TRHDE: variants seen among roughly 807,000 people sequenced by gnomAD.
TRHDE encodes the protein thyrotropin-releasing hormone-degrading ectoenzyme.
Under a neutral mutation model 125.7 loss-of-function variants are expected in TRHDE, and 72 were observed. The observed-to-expected ratio is 0.57, with a 90% CI of 0.47 to 0.70. The LOEUF (loss-of-function observed/expected upper bound fraction) is 0.70. Ranked by LOEUF, TRHDE falls within the 30% of genes least tolerant of loss-of-function variation. The pLI is 0.00. For missense variants in TRHDE, 1,110 were observed against 1,327.1 expected, an observed-to-expected ratio of 0.84 and a Z score of 2.54; for synonymous variants, 509 against 509.1, an observed-to-expected ratio of 1.00 and a Z score of 0.00.
intron 15 of TRHDE, among the ~76,000 whole-genome samples, chr12:72,638,911 G>A (rs946232388): frequency 3.3e-5 from 5 of 150,418 alleles, no homozygotes; most frequent in African/African-American, 4.9e-5. Flanking sequence ...AGGGTAACCC[G>A]ACCTTCCTCT....
chr12:72,474,538 T>G (rs534284821), intron 5 of TRHDE, among the ~76,000 whole-genome samples: 99 of 152,276 alleles, frequency 6.5e-4, no homozygotes, highest in African/African-American at 2.3e-3. Context: ...TTTGTCTATT[T>G]TATCTCGCTT....
At chr12:72,280,401 C>T (rs1879654334) in intron 1 of TRHDE, among the ~76,000 whole-genome samples, 1 of 152,140 alleles carries the variant, frequency 6.6e-6, no homozygotes, top group Non-Finnish European at 1.5e-5. Context: ...GACCAACGTT[C>T]TTGCTTTGGG....
At chr12:72,364,366 G>A (rs1336283840) in intron 2 of TRHDE, among the ~76,000 whole-genome samples, 2 of 151,986 alleles carry the variant, frequency 1.3e-5, no homozygotes, top group African/African-American at 4.8e-5. Context: ...TACCTTCTGA[G>A]TGATGCTTTC....
intron 6 of TRHDE, among the ~76,000 whole-genome samples, chr12:72,520,664 T>TA (rs1225318631): frequency 1.3e-5 from 2 of 152,088 alleles, no homozygotes; most frequent in African/African-American, 4.8e-5. Context: ...CTTCTTCACT[T>TA]ACTTTTTCAA....
intron 12 of TRHDE, among the ~76,000 whole-genome samples, chr12:72,581,200 G>T (rs922854040): frequency 2.6e-5 from 4 of 152,112 alleles, no homozygotes; most frequent in African/African-American, 9.7e-5. Flanking sequence ...TTACTTAATT[G>T]TTGAAATTAT....
intron 2 of TRHDE, among the ~76,000 whole-genome samples, chr12:72,290,967 G>C (rs1880066703): frequency 6.6e-6 from 1 of 152,212 alleles, no homozygotes; most frequent in Non-Finnish European, 1.5e-5. Flanking sequence ...CCCAGCTCTT[G>C]ACAGGAGGAG....
At chr12:72,374,624 T>C (rs1182656484) in intron 2 of TRHDE, among the ~76,000 whole-genome samples, 1 of 151,760 alleles carries the variant, frequency 6.6e-6, no homozygotes, top group Admixed American at 6.6e-5. Flanking sequence ...GGAGTGGCAG[T>C]GAGATAGATA....
At chr12:72,630,461 T>G (rs527817198) in intron 15 of TRHDE, among the ~76,000 whole-genome samples, 2 of 151,934 alleles carry the variant, frequency 1.3e-5, no homozygotes, top group South Asian at 4.2e-4. Flanking sequence ...GGTTTTGAAC[T>G]TCTGCTCTCA....
intron 2 of TRHDE, among the ~76,000 whole-genome samples, chr12:72,106,831 A>G (rs1875197924): frequency 6.6e-6 from 1 of 152,094 alleles, no homozygotes; most frequent in Non-Finnish European, 1.5e-5. Context: ...TTTAAACAAT[A>G]CTCTGTGTGG....
At chr12:72,197,178 G>A (rs1877461923) in intron 2 of TRHDE, among the ~76,000 whole-genome samples, 2 of 151,974 alleles carry the variant, frequency 1.3e-5, no homozygotes, top group South Asian at 4.1e-4. Flanking sequence ...CTACCTCATT[G>A]GTAGCTCCTT....
intron 2 of TRHDE, among the ~76,000 whole-genome samples, chr12:72,352,328 T>C (rs920110487): frequency 6.6e-6 from 1 of 151,758 alleles, no homozygotes; most frequent in African/African-American, 2.4e-5. Flanking sequence ...AATTCGTTGA[T>C]CACCAGAATG....
rs1036896988 is a variant in TRHDE, at chr12:72,145,830, C to T, written n.279+40078C>T. On this transcript the variant is annotated intron_variant and non_coding_transcript_variant, in intron 2 of 4. Transcript: ENST00000548156. ...TTCTAGAATTTCTCAGCTGTTCCCC[C>T]AGTGCATGTAGTGCCCAAATATCTT... 4.6e-5 allele frequency among the ~76,000 whole-genome samples: 7 copies of T among 152,138 alleles called. 1 individual carries two copies. Among genetic ancestry groups the T allele is most frequent in the African/African-American group, 1.2e-4 (5 of 41,432 alleles).
At chr12:72,177,133 T>C (rs1254131046) in intron 2 of TRHDE, among the ~76,000 whole-genome samples, 2 of 152,102 alleles carry the variant, frequency 1.3e-5, no homozygotes, top group African/African-American at 4.8e-5. Flanking sequence ...GTTTTTTTTT[T>C]TATTGGAAAT....
At chr12:72,540,900 T>TAA (rs1869113476) in intron 6 of TRHDE, among the ~76,000 whole-genome samples, 1 of 151,700 alleles carries the variant, frequency 6.6e-6, no homozygotes, top group African/African-American at 2.4e-5. Context: ...GAGATGAGAA[T>TAA]AAAATACTGA....
chr12:72,119,270 A>T (rs1244788990), intron 2 of TRHDE, among the ~76,000 whole-genome samples: 1 of 152,036 alleles, frequency 6.6e-6, no homozygotes, highest in Non-Finnish European at 1.5e-5. Flanking sequence ...AAATTTTTCA[A>T]TTTCCTTAAT....
intron 3 of TRHDE, among the ~76,000 whole-genome samples, chr12:72,400,396 G>A (rs183126647): frequency 1.0e-3 from 155 of 152,232 alleles, no homozygotes; most frequent in African/African-American, 3.3e-3. Context: ...CTTGGACTAC[G>A]CCTACATTTA....
chr12:72,579,104 A>C (rs1259779878), intron 12 of TRHDE, among the ~76,000 whole-genome samples: 2 of 151,760 alleles, frequency 1.3e-5, no homozygotes, highest in South Asian at 2.1e-4. Flanking sequence ...ATGAGTGTCC[A>C]TGAGGAGTCT....
intron 3 of TRHDE, among the ~76,000 whole-genome samples, chr12:72,394,239 T>C (rs190103186): frequency 3.9e-4 from 59 of 152,280 alleles, no homozygotes; most frequent in Admixed American, 1.6e-3. Context: ...ATTTGATTAA[T>C]AGTCCAATTA....
At chr12:72,295,306 G>C (rs1207667671) in intron 2 of TRHDE, among the ~76,000 whole-genome samples, 1 of 152,098 alleles carries the variant, frequency 6.6e-6, no homozygotes, top group South Asian at 2.1e-4. Flanking sequence ...GCTCTCGCGG[G>C]CTCCATGGAG....
Sources: gnomAD v4.1 joint callset for allele counts (sites outside exome capture counted in the v4.1 genomes callset) on GRCh38, gnomAD v4.1.1 for gene constraint, MANE v1.5 for transcripts, NCBI Gene and HGNC (gene_info 2026-07-23, HGNC 2026-07-21) for gene names.